The following CDH26 variants were observed in gnomAD, a reference collection of about 807,000 sequenced individuals.
CDH26 encodes cadherin 26.
A neutral mutation model predicts 90.3 loss-of-function variants in CDH26; 83 were observed. The observed-to-expected ratio is 0.92, with a 90% confidence interval of 0.77 to 1.10. The LOEUF (loss-of-function observed/expected upper bound fraction) is 1.10, where lower values mean the gene tolerates loss of function less well. CDH26 is among the 50% of genes least tolerant of loss of function. CDH26 has a pLI of 0.00. For missense variants in CDH26, 1,013 were observed against 1,037.6 expected (o/e 0.98, Z 0.33); for synonymous variants, 397 against 396.3 (o/e 1.00, Z -0.02).
downstream of CDH26, among the ~76,000 whole-genome samples, chr20:60,017,998 C>G (rs1210921740): frequency 2.6e-5 from 4 of 151,990 alleles, no homozygotes; most frequent in African/African-American, 7.2e-5. Context: ...TTTTTAAAAA[C>G]TTTTTGAAGC....
chr20:59,980,615 T>C (rs953657919), intron 4 of CDH26, among the ~76,000 whole-genome samples: 1 of 152,242 alleles, frequency 6.6e-6, no homozygotes, highest in Non-Finnish European at 1.5e-5. Flanking sequence ...GTTTGTTTTC[T>C]TATTGAGTTT....
chr20:59,991,372 C>G (rs559464458), intron 9 of CDH26, among the ~76,000 whole-genome samples: 18 of 152,282 alleles, frequency 1.2e-4, no homozygotes, highest in African/African-American at 4.3e-4. Flanking sequence ...TCTTTTGTGA[C>G]AGGGTGGAGG....
At chr20:59,961,867 G>A (rs969322578) in intron 1 of CDH26, among the ~76,000 whole-genome samples, 2 of 152,180 alleles carry the variant, frequency 1.3e-5, no homozygotes. Context: ...AGGCTTCAAA[G>A]ACCAGAGAAG....
At position 59,990,171 on chromosome 20, in the gene CDH26, C is replaced by T. The variant is rs531905261; in HGVS notation, c.1283+1008C>T. Among the ~76,000 whole-genome samples the T allele has an allele frequency of 4.6e-5, 7 of 152,312 alleles. No individual in the cohort carries two copies. The South Asian group carries it at 6.2e-4, about 14-fold the overall frequency. On this transcript the variant is annotated intron_variant, in intron 9 of 17. Transcript: ENST00000348616. ...GCATAATGTCCTCAAAGTTCATGCA[C>T]GTTTAGCATGTATCAGAATGTCCTT...
chr20:59,974,941 G>A (rs1196412990), intron 4 of CDH26, among the ~76,000 whole-genome samples: 1 of 152,140 alleles, frequency 6.6e-6, no homozygotes, highest in Non-Finnish European at 1.5e-5. Context: ...TCTAAGAGGG[G>A]AGAGACTCTG....
chr20:59,968,807 T>C (rs1376335067), intron 1 of CDH26, among the ~76,000 whole-genome samples, 160 bp from the exon 2 acceptor site: 2 of 152,206 alleles, frequency 1.3e-5, no homozygotes, highest in Non-Finnish European at 2.9e-5. Flanking sequence ...GTGGCAATCA[T>C]GAATTAAGAT....
At position 60,027,169 on chromosome 20, in the gene CDH26, A is replaced by G. The variant is rs527476115; in HGVS notation, c.948-4062A>G. Among the ~76,000 whole-genome samples the G allele has an allele frequency of 1.4e-4, 21 of 151,914 alleles. No homozygotes were observed. In the South Asian group the frequency reaches 4.2e-3, roughly 30 times the overall value. The stretch of plus-strand genomic sequence containing the variant: ...GAAGTAGTGCTGATGTGATCACAAG[A>G]CTCTGATTCTGTCCCCTCAGCCAGT... On this transcript the variant is annotated intron_variant, in intron 7 of 8. Transcript: ENST00000370991.
At chr20:59,988,835 C>T (rs2061489317) in intron 8 of CDH26, 69 bp from the exon 9 acceptor site, 8 of 1,559,126 alleles carry the variant, frequency 5.1e-6, no homozygotes, top group Non-Finnish European at 7.0e-6. Context: ...GCAATGATGA[C>T]TCGGCGCTGG....
At chr20:59,988,553 A>G (rs920867088) in intron 8 of CDH26, among the ~76,000 whole-genome samples, 2 of 152,178 alleles carry the variant, frequency 1.3e-5, no homozygotes, top group African/African-American at 4.8e-5. Flanking sequence ...CTGAATAACT[A>G]TGATCATTAA....
chr20:60,028,873 C>G (rs1446015613), intron 7 of CDH26, among the ~76,000 whole-genome samples: 1 of 152,216 alleles, frequency 6.6e-6, no homozygotes, highest in Non-Finnish European at 1.5e-5. Context: ...AAACAGGTAT[C>G]TGCACTCTCA....
At chr20:59,969,912 A>G (rs2061233054) in intron 2 of CDH26, among the ~76,000 whole-genome samples, 170 bp from the exon 3 acceptor site, 1 of 152,236 alleles carries the variant, frequency 6.6e-6, no homozygotes, top group Admixed American at 6.5e-5. Flanking sequence ...CTCTACAGCT[A>G]TTAAGAAGAC....
intron 1 of CDH26, among the ~76,000 whole-genome samples, chr20:59,967,841 CTT>C (rs1166269430): frequency 1.6e-4 from 13 of 82,892 alleles, no homozygotes; most frequent in African/African-American, 9.6e-4. Flanking sequence ...TTCTTTCTTT[CTT>C]TCTTTCTTTC....
At position 59,982,363 on chromosome 20, in the gene CDH26, A is replaced by T. The variant is rs568818804; in HGVS notation, c.394-560A>T. Among the ~76,000 whole-genome samples the T allele has an allele frequency of 1.8e-3, 276 of 152,342 alleles. 1 individual carries two copies. Among genetic ancestry groups the T allele is most frequent in the African/African-American group, 6.5e-3 (269 of 41,570 alleles). The stretch of plus-strand genomic sequence containing the variant: ...AAAATTTCTTAAGGTGGAAGCTTAA[A>T]CAATTGATTTGAGACCATTTGAAGT... On this transcript the variant is annotated intron_variant, in intron 4 of 17. Coordinates refer to ENST00000348616, the MANE Select transcript of CDH26 (RefSeq NM_177980.4).
At chr20:59,997,586 G>A (rs1191680653) in intron 13 of CDH26, among the ~76,000 whole-genome samples, 2 of 152,246 alleles carry the variant, frequency 1.3e-5, no homozygotes, top group African/African-American at 2.4e-5. Context: ...GCAACCCTGG[G>A]CTGGGGTTAG....
Position 59,958,607 on chromosome 20 carries a change from C to G in CDH26, c.-120C>G. ...ATGAAAGCATCTGGGCCAAAGTGAC[C>G]TGAAAACCTTTAGAGAAGAAGCTGC... On this transcript the variant is annotated 5_prime_UTR_variant, in exon 1 of 18. Transcript: ENST00000348616. 1 of 907,674 alleles carries G rather than the reference C, an allele frequency of 1.1e-6. No individual in the cohort carries two copies. The highest frequency in any genetic ancestry group is 1.8e-6 in the Non-Finnish European group (1 of 563,730). The allele number at this position is 907,674 out of a possible 1,614,324, so 56.2% of individuals were successfully genotyped here. A position where few individuals can be genotyped will look rare whatever the true frequency, so the allele number is the denominator to read the frequency against.
At chr20:60,021,869 C>CAT (rs2061956910) in intron 7 of CDH26, among the ~76,000 whole-genome samples, 1 of 102,864 alleles carries the variant, frequency 9.7e-6, no homozygotes, top group African/African-American at 3.2e-5. Context: ...CACACACACA[C>CAT]ACACACACAC....
chr20:60,023,918 T>G (rs1355165825), intron 7 of CDH26, among the ~76,000 whole-genome samples: 1 of 151,788 alleles, frequency 6.6e-6, no homozygotes, highest in East Asian at 1.9e-4. Flanking sequence ...GCTAAGCCCT[T>G]CCTTCCCATG....
chr20:59,985,185 C>A (rs1037684807), intron 7 of CDH26, 56 bp downstream of exon 7: 2 of 1,599,528 alleles, frequency 1.3e-6, no homozygotes, highest in Admixed American at 3.4e-5. Flanking sequence ...GCCCTTGGGT[C>A]CTAGGCTCAG....
At chr20:60,008,679 A>G (rs2061786838) in intron 17 of CDH26, among the ~76,000 whole-genome samples, 1 of 152,104 alleles carries the variant, frequency 6.6e-6, no homozygotes, top group South Asian at 2.1e-4. Flanking sequence ...CTGGATGTAG[A>G]GTCACTGTCT....
Sources: gnomAD v4.1 joint callset for allele counts (sites outside exome capture counted in the v4.1 genomes callset) on GRCh38, gnomAD v4.1.1 for gene constraint, MANE v1.5 for transcripts, NCBI Gene and HGNC (gene_info 2026-07-23, HGNC 2026-07-21) for gene names.